DCDC1: variants seen among roughly 807,000 people sequenced by gnomAD.
DCDC1 encodes doublecortin domain-containing protein 1.
In DCDC1, 200 loss-of-function variants were observed where a neutral mutation model predicts 178.3. The observed-to-expected ratio is 1.12, with a 90% CI of 1.00 to 1.26. DCDC1 has a LOEUF of 1.26. Ranked by LOEUF, DCDC1 falls within the 50% of genes most tolerant of loss-of-function variation. The pLI, the probability that DCDC1 is intolerant of heterozygous loss-of-function variation, is 0.00. For missense variants in DCDC1, 1,983 were observed against 1,749.2 expected (o/e 1.13, Z -2.38); for synonymous variants, 690 against 604.8 (o/e 1.14, Z -2.07).
intron 20 of DCDC1, among the ~76,000 whole-genome samples, chr11:31,031,029 A>T (rs986709452): frequency 6.6e-6 from 1 of 152,166 alleles, no homozygotes; most frequent in African/African-American, 2.4e-5. Flanking sequence ...CCTTATAAAA[A>T]AGTGTTAGGA....
rs1158505409 is a variant in DCDC1, at chr11:31,148,210, T to A, written c.1222-10426A>T. ...GTGTAAGAGCTAGAATTTATTATTA[T>A]AAAAAAAAAAAAAAAAAAAAAAAAC... On this transcript the variant is annotated intron_variant, in intron 9 of 38. Transcript: ENST00000684477. Among the ~76,000 whole-genome samples the A allele has an allele frequency of 4.0e-3, 379 of 95,622 alleles. 3 individuals carry two copies. The highest frequency in any genetic ancestry group is 0.013 in the African/African-American group (326 of 25,512). 62.7% of individuals were successfully genotyped at this position (95,622 alleles called of 152,430 possible). A position where few individuals can be genotyped will look rare whatever the true frequency, so the allele number is the denominator to read the frequency against.
intron 28 of DCDC1, among the ~76,000 whole-genome samples, chr11:30,910,720 T>G (rs545706155): frequency 6.6e-6 from 1 of 150,884 alleles, no homozygotes; most frequent in East Asian, 1.9e-4. Context: ...GACAGAAAAA[T>G]GTGAAAAAAA....
chr11:31,092,514 C>T (rs567546043), intron 16 of DCDC1, among the ~76,000 whole-genome samples: 1 of 152,284 alleles, frequency 6.6e-6, no homozygotes, highest in South Asian at 2.1e-4. Context: ...GCAGATAAGA[C>T]TAACATCATT....
At chr11:30,873,356 T>TAGAGAGAGAG (rs1392683202) in intron 38 of DCDC1, among the ~76,000 whole-genome samples, 6 of 138,674 alleles carry the variant, frequency 4.3e-5, no homozygotes, top group African/African-American at 1.7e-4. Context: ...TATATATATA[T>TAGAGAGAGAG]ATATATATAG....
chr11:30,922,824 T>G (rs1350735822), intron 23 of DCDC1, among the ~76,000 whole-genome samples, 186 bp from the exon 24 acceptor site: 1 of 152,222 alleles, frequency 6.6e-6, no homozygotes, highest in Non-Finnish European at 1.5e-5. Context: ...GCAACAACTT[T>G]GATGAATTTC....
intron 10 of DCDC1, 175 bp from the exon 11 acceptor site, chr11:31,127,814 T>G (rs1333143080): frequency 4.0e-6 from 2 of 499,012 alleles, no homozygotes; most frequent in African/African-American, 4.0e-5. Context: ...ACATCTACTT[T>G]TATTTATGAA....
intron 7 of DCDC1, chr11:31,280,810 G>A (rs1408627845): frequency 9.7e-6 from 6 of 618,254 alleles, no homozygotes; most frequent in Middle Eastern, 3.1e-4. Context: ...CCTCTCCCCA[G>A]GTGATGCCTT....
At chr11:30,876,891 G>C (rs1942184726) in intron 38 of DCDC1, among the ~76,000 whole-genome samples, 1 of 152,000 alleles carries the variant, frequency 6.6e-6, no homozygotes, top group African/African-American at 2.4e-5. Context: ...TTCCAACGGG[G>C]AGCAAGTTTC....
At chr11:31,153,336 C>A (rs544730781) in intron 9 of DCDC1, among the ~76,000 whole-genome samples, 1 of 152,144 alleles carries the variant, frequency 6.6e-6, no homozygotes, top group Non-Finnish European at 1.5e-5. Flanking sequence ...GTCATCAATG[C>A]CCCTACATCC....
At chr11:31,303,344 A>C (rs1425056428) in intron 6 of DCDC1, among the ~76,000 whole-genome samples, 2 of 152,164 alleles carry the variant, frequency 1.3e-5, no homozygotes, top group Non-Finnish European at 2.9e-5. Flanking sequence ...CATCATTAAC[A>C]CTTAATTCTG....
Position 31,102,284 on chromosome 11 carries a change from T to G in DCDC1, c.1878-2A>C, listed in dbSNP as rs1260426333. ...GGAAATCCCTCACAAACTTCCCAACTAAGAAAAGTAAAATACGTAATTATT... is the reference window on the plus strand; with the variant it reads ...GGAAATCCCTCACAAACTTCCCAACGAAGAAAAGTAAAATACGTAATTATT... On this transcript the variant is annotated splice_acceptor_variant, in intron 14 of 38. Transcript: ENST00000684477. LOFTEE classifies it high-confidence loss of function. 2.9e-6 allele frequency: 2 copies of G among 682,242 alleles called. No individual in the cohort carries two copies. The highest frequency in any genetic ancestry group is 3.9e-5 in the Admixed American group (2 of 51,828). 42.3% of individuals were successfully genotyped at this position (682,242 alleles called of 1,614,324 possible).
At chr11:31,324,009 G>A (rs141306588) in intron 3 of DCDC1, among the ~76,000 whole-genome samples, 2,347 of 152,072 alleles carry the variant, frequency 0.015, 37 homozygotes, top group South Asian at 0.025. Flanking sequence ...TCCAATTCCA[G>A]AAGAAAATGT....
At chr11:31,163,112 CA>C (rs1966456735) in intron 9 of DCDC1, among the ~76,000 whole-genome samples, 1 of 152,114 alleles carries the variant, frequency 6.6e-6, no homozygotes, top group Admixed American at 6.6e-5. Context: ...TCTTGACAAA[CA>C]AAAATGGAAA....
intron 9 of DCDC1, among the ~76,000 whole-genome samples, chr11:31,195,193 A>G (rs1375843314): frequency 2.0e-5 from 3 of 151,976 alleles, no homozygotes; most frequent in African/African-American, 7.2e-5. Flanking sequence ...GGGAGTAGGA[A>G]TTGTGATATA....
chr11:30,890,334 C>T (rs557275860), intron 36 of DCDC1, among the ~76,000 whole-genome samples: 20 of 152,316 alleles, frequency 1.3e-4, no homozygotes, highest in East Asian at 1.2e-3. Flanking sequence ...CTATTTAATA[C>T]GCTTTATGAA....
chr11:31,082,666 A>T (rs568306368), intron 17 of DCDC1, among the ~76,000 whole-genome samples: 46 of 152,092 alleles, frequency 3.0e-4, no homozygotes, highest in Middle Eastern at 6.8e-3. Flanking sequence ...TGCATAATAC[A>T]TTTACACATA....
chr11:31,184,314 A>T (rs1969207024), intron 9 of DCDC1, among the ~76,000 whole-genome samples: 1 of 152,240 alleles, frequency 6.6e-6, no homozygotes, highest in East Asian at 1.9e-4. Flanking sequence ...CTTAAACGTA[A>T]GACCTAACAC....
At chr11:31,217,605 T>C (rs1973747610) in intron 9 of DCDC1, among the ~76,000 whole-genome samples, 1 of 152,268 alleles carries the variant, frequency 6.6e-6, no homozygotes, top group Admixed American at 6.5e-5. Context: ...TGTACTTCTA[T>C]ATGTGCCATC....
At chr11:31,024,097 A>G (rs1312478756) in intron 20 of DCDC1, among the ~76,000 whole-genome samples, 1 of 152,054 alleles carries the variant, frequency 6.6e-6, no homozygotes, top group Non-Finnish European at 1.5e-5. Flanking sequence ...AATTTTGTCC[A>G]TAAAAACAAG....
Sources: allele counts gnomAD v4.1 joint callset (sites outside exome capture counted in the v4.1 genomes callset), GRCh38; gene constraint gnomAD v4.1.1; transcripts MANE v1.5; gene names NCBI Gene and HGNC (gene_info 2026-07-23, HGNC 2026-07-21).